The following PCDH9 variants were observed in gnomAD, a reference collection of about 807,000 sequenced individuals.
PCDH9 encodes protocadherin-9.
In PCDH9, 24 loss-of-function variants were observed where a neutral mutation model predicts 70.6. That is an observed-to-expected ratio of 0.34 (90% CI 0.25 to 0.48). PCDH9 has a LOEUF of 0.48. Ranked by LOEUF, PCDH9 falls within the 20% of genes least tolerant of loss-of-function variation. PCDH9 has a pLI of 0.99. For synonymous variants in PCDH9, 562 were observed against 558.5 expected, an observed-to-expected ratio of 1.01 and a Z score of -0.09; for missense variants, 1,281 against 1,503.6, an observed-to-expected ratio of 0.85 and a Z score of 2.45.
At chr13:67,213,580 C>G (rs973953256) in intron 2 of PCDH9, 3 of 152,040 alleles carry the variant, frequency 2.0e-5, no homozygotes, top group Admixed American at 6.6e-5. Context: ...AATATCCACA[C>G]TATGTCCCTG....
intron 3 of PCDH9, among the ~76,000 whole-genome samples, chr13:66,635,794 G>T (rs1045419856): frequency 2.0e-5 from 3 of 152,010 alleles, no homozygotes; most frequent in Non-Finnish European, 4.4e-5. Flanking sequence ...TCAGTCTTAT[G>T]AATTTACAGA....
At chr13:66,754,372 A>T (rs1224333397) in intron 3 of PCDH9, among the ~76,000 whole-genome samples, 1 of 152,204 alleles carries the variant, frequency 6.6e-6, no homozygotes, top group African/African-American at 2.4e-5. Flanking sequence ...AATTTAAAGT[A>T]TAACAAAATA....
chr13:66,570,420 C>G (rs1245573723), intron 4 of PCDH9, among the ~76,000 whole-genome samples: 2 of 152,048 alleles, frequency 1.3e-5, no homozygotes, highest in Admixed American at 6.6e-5. Flanking sequence ...GACACACACA[C>G]AAATGAATAC....
At chr13:66,895,600 C>T (rs947049887) in intron 3 of PCDH9, among the ~76,000 whole-genome samples, 4 of 152,218 alleles carry the variant, frequency 2.6e-5, no homozygotes, top group Admixed American at 6.5e-5. Flanking sequence ...CACACACCTA[C>T]ATTAATTGAA....
chr13:66,671,159 C>T (rs2078169980), intron 3 of PCDH9, among the ~76,000 whole-genome samples: 1 of 152,134 alleles, frequency 6.6e-6, no homozygotes, highest in Non-Finnish European at 1.5e-5. Context: ...AAAATGTGAC[C>T]TTGCTCCTCC....
rs2082671923 is a variant in PCDH9, at chr13:66,923,591, GT to G, written c.3037-19987del. 2.0e-5 allele frequency among the ~76,000 whole-genome samples: 3 copies of G among 151,510 alleles called. No individual in the cohort carries two copies. In the East Asian group the frequency reaches 5.8e-4, roughly 29 times the overall value. On this transcript the variant is annotated intron_variant, in intron 2 of 4. Coordinates refer to ENST00000377865, the MANE Select transcript of PCDH9 (RefSeq NM_203487.3). ...GTAACTCAGATATACTCTTATTTTT[GT>G]TCTTTATAACTACCCAATACAATGT...
intron 2 of PCDH9, among the ~76,000 whole-genome samples, chr13:66,941,219 C>T (rs1380838286): frequency 2.0e-5 from 3 of 151,470 alleles, no homozygotes; most frequent in Admixed American, 2.0e-4. Flanking sequence ...AAGTTACAGA[C>T]ATTTACTATA....
intron 4 of PCDH9, among the ~76,000 whole-genome samples, chr13:66,367,780 G>C (rs1389720663): frequency 3.3e-5 from 5 of 152,154 alleles, no homozygotes; most frequent in African/African-American, 1.2e-4. Flanking sequence ...ATATTAAAAT[G>C]AGTAGGGAAA....
At chr13:66,639,143 G>A (rs1265538100) in intron 3 of PCDH9, among the ~76,000 whole-genome samples, 1 of 152,176 alleles carries the variant, frequency 6.6e-6, no homozygotes, top group African/African-American at 2.4e-5. Flanking sequence ...AGAGGAAATG[G>A]GGGAGTTTGT....
At chr13:67,101,577 A>G (rs987912378) in intron 2 of PCDH9, among the ~76,000 whole-genome samples, 1 of 152,212 alleles carries the variant, frequency 6.6e-6, no homozygotes, top group African/African-American at 2.4e-5. Context: ...ACAGAACTCA[A>G]AATGTAAACC....
intron 2 of PCDH9, among the ~76,000 whole-genome samples, chr13:66,983,794 GCCTAGTAC>G (rs1201820940): frequency 6.6e-6 from 1 of 151,852 alleles, no homozygotes; most frequent in African/African-American, 2.4e-5. Context: ...GAGGTGCTAA[GCCTAGTAC>G]CCAATCGTTT....
intron 4 of PCDH9, among the ~76,000 whole-genome samples, chr13:66,421,872 TAA>T (rs1460628400): frequency 4.6e-5 from 7 of 152,094 alleles, no homozygotes; most frequent in African/African-American, 7.2e-5. Context: ...GCAAATTGGA[TAA>T]AGAGTCAAGA....
intron 2 of PCDH9, chr13:67,214,504 G>T (rs1447696976): frequency 6.6e-6 from 1 of 151,990 alleles, no homozygotes; most frequent in Non-Finnish European, 1.5e-5. Context: ...GGAGCTTCTG[G>T]GTAATCTATG....
intron 3 of PCDH9, among the ~76,000 whole-genome samples, chr13:66,654,647 C>A (rs2077902177): frequency 6.6e-6 from 1 of 151,998 alleles, no homozygotes; most frequent in Non-Finnish European, 1.5e-5. Flanking sequence ...ACTGAAAATT[C>A]ATTTGAGTTG....
intron 4 of PCDH9, among the ~76,000 whole-genome samples, chr13:66,531,487 G>A (rs181021433): frequency 2.7e-4 from 41 of 152,060 alleles, no homozygotes; most frequent in African/African-American, 9.4e-4. Flanking sequence ...AGTATGTTAC[G>A]AAAGTCTCAA....
intron 2 of PCDH9, among the ~76,000 whole-genome samples, chr13:66,978,992 A>T (rs565603732): frequency 6.6e-6 from 1 of 152,092 alleles, no homozygotes; most frequent in South Asian, 2.1e-4. Context: ...TATAAAGAAC[A>T]TACATTTTAT....
chr13:66,544,806 A>G (rs1051407247), intron 4 of PCDH9, among the ~76,000 whole-genome samples: 6 of 152,166 alleles, frequency 3.9e-5, no homozygotes, highest in Non-Finnish European at 7.3e-5. Context: ...CCATCAATAC[A>G]TCTTATGCTA....
At chr13:66,749,541 AG>A (rs1426965849) in intron 3 of PCDH9, among the ~76,000 whole-genome samples, 2 of 152,204 alleles carry the variant, frequency 1.3e-5, no homozygotes, top group African/African-American at 4.8e-5. Context: ...TTAAGAATTC[AG>A]TTCTGGAATT....
intron 2 of PCDH9, among the ~76,000 whole-genome samples, chr13:67,087,164 G>A (rs1190745535): frequency 1.3e-5 from 2 of 149,516 alleles, no homozygotes; most frequent in South Asian, 4.2e-4. Flanking sequence ...AGATCTCTTT[G>A]CATGGTTTCA....
Sources: allele counts gnomAD v4.1 joint callset (sites outside exome capture counted in the v4.1 genomes callset), GRCh38; gene constraint gnomAD v4.1.1; transcripts MANE v1.5; gene names NCBI Gene and HGNC (gene_info 2026-07-23, HGNC 2026-07-21).